Variants in ATIC observed in about 807,000 individuals in gnomAD.
ATIC encodes the protein 5-aminoimidazole-4-carboxamide ribonucleotide formyltransferase/IMP cyclohydrolase, also known as bifunctional purine biosynthesis protein ATIC.
A neutral mutation model predicts 72.5 loss-of-function variants in ATIC; 64 were observed. That is an observed-to-expected ratio of 0.88 (90% confidence interval 0.72 to 1.09). ATIC has a LOEUF of 1.09. ATIC is among the 50% of genes least tolerant of loss of function. The probability of loss-of-function intolerance (pLI) is 0.00; values close to 1 mark genes in which losing one functional copy is unlikely to be tolerated. For synonymous variants in ATIC, 281 were observed against 267.1 expected, an observed-to-expected ratio of 1.05 and a Z score of -0.51; for missense variants, 787 against 732.4, an observed-to-expected ratio of 1.07 and a Z score of -0.86.
At chr2:215,349,506 G>T in intron 15 of ATIC, 30 bp from the exon 16 acceptor site, 1 of 1,613,936 alleles carries the variant, frequency 6.2e-7, no homozygotes, top group South Asian at 1.1e-5. Context: ...ACATAAAATC[G>T]CGTTTTGAAA....
chr2:215,312,419 TC>T (rs2052663398), intron 1 of ATIC, 78 bp from the exon 2 acceptor site: 13 of 1,609,764 alleles, frequency 8.1e-6, no homozygotes, highest in South Asian at 6.6e-5. Flanking sequence ...GAGAATCTCC[TC>T]CCCCAGACCC....
At chr2:215,364,666 T>C in the ATIC span, 1 of 598,818 alleles carries the variant, frequency 1.7e-6, no homozygotes, top group Admixed American at 2.8e-5. Context: ...TCATTCATTC[T>C]TTCTACTAAG....
chr2:215,364,632 T>C, the ATIC span: 1 of 565,468 alleles, frequency 1.8e-6, no homozygotes, highest in Non-Finnish European at 3.2e-6. Context: ...TCAAGACTTG[T>C]GTTTTTGGTA....
chr2:215,327,759 G>T (rs971729535), intron 7 of ATIC, among the ~76,000 whole-genome samples: 1 of 152,170 alleles, frequency 6.6e-6, no homozygotes. Context: ...TGGTGAGGGG[G>T]TGCAGCCTGG....
Position 215,346,872 on chromosome 2 carries a change from T to C in ATIC, c.1434T>C (p.Phe478=). ...ATCCACAAGTGCTTTCGATGAAGTTTAAAACAGGAGTGAAGAGAGCAGAAA... is the reference window on the plus strand; with the variant it reads ...ATCCACAAGTGCTTTCGATGAAGTTCAAAACAGGAGTGAAGAGAGCAGAAA... ...RHHPQVLSMK[F]KTGVKRAEIS... is the part of the protein sequence containing the mutation. The change falls in exon 14 of 16, where the codon TTT becomes TTC. Residue 478 remains phenylalanine (F), a synonymous_variant. Coordinates refer to ENST00000236959, the MANE Select transcript of ATIC (RefSeq NM_004044.7). The C allele has an allele frequency of 1.9e-6, 3 of 1,614,216 alleles. No individual in the cohort carries two copies. The highest frequency in any genetic ancestry group is 2.5e-6 in the Non-Finnish European group (3 of 1,180,044).
chr2:215,348,788 C>CT (rs982239963), intron 14 of ATIC: 3 of 312,380 alleles, frequency 9.6e-6, no homozygotes, highest in Non-Finnish European at 1.8e-5. Flanking sequence ...TGGTGAAACT[C>CT]TGTCTCCAAA....
chr2:215,312,681 T>A (rs1284565089), intron 2 of ATIC, 57 bp downstream of exon 2: 12 of 1,613,056 alleles, frequency 7.4e-6, no homozygotes, highest in Non-Finnish European at 1.0e-5. Flanking sequence ...CAGGAAGTAT[T>A]GTATTCCAGG....
At chr2:215,366,222 GAATAGTCAAATGA>G in the ATIC span, among the ~76,000 whole-genome samples, 1 of 152,068 alleles carries the variant, frequency 6.6e-6, no homozygotes, top group Non-Finnish European at 1.5e-5. Flanking sequence ...CATGTCATCA[GAATAGTCAAATGA>G]AATGACTTTC....
rs368820754 is a variant in ATIC at position 215,312,187 on chromosome 2, T to A, written c.19+26T>A. On this transcript the variant is annotated intron_variant, in intron 1 of 15. Transcript: ENST00000236959. ...GTGAGGCCCTAGCGGAGCGGCGCGG[T>A]CTGCGTCCTCGCCTGCGGCCCCCCA... is the stretch of plus-strand genomic sequence containing the variant. The A allele has an allele frequency of 2.1e-5, 31 of 1,497,162 alleles. No individual in the cohort carries two copies. The South Asian group carries it at 2.4e-4, about 12-fold the overall frequency. 92.7% of individuals were successfully genotyped at this position (1,497,162 alleles called of 1,614,324 possible).
At chr2:215,365,060 A>C in the ATIC span, 1 of 932,572 alleles carries the variant, frequency 1.1e-6, no homozygotes, top group African/African-American at 1.6e-5. Flanking sequence ...GGTGGGTTCT[A>C]TTTCTGTCCT....
Position 215,344,847 on chromosome 2 carries a change from T to C in ATIC, c.1296T>C (p.Ser432=), listed in dbSNP as rs2053056209. 6.2e-7 allele frequency: 1 copy of C among 1,613,926 alleles called. No individual in the cohort carries two copies. Among genetic ancestry groups the C allele is most frequent in the African/African-American group, 1.3e-5 (1 of 74,902 alleles). The change falls in exon 13 of 16, where the codon TCT becomes TCC. Residue 432 remains serine (S), a synonymous_variant. Coordinates refer to ENST00000236959, the MANE Select transcript of ATIC (RefSeq NM_004044.7). ...TIAVKYTQSN[S]VCYAKNGQVI... is the part of the protein sequence containing the mutation. ...CTGTCAAGTACACTCAGTCTAACTC[T>C]GTGTGCTACGCCAAGAACGGGCAGG...
rs556235302 is a variant in ATIC, at chr2:215,315,825, T to C, written c.147-2332T>C. On this transcript the variant is annotated intron_variant, in intron 2 of 15. Transcript: ENST00000236959. The stretch of plus-strand genomic sequence containing the variant: ...AAAGAATCAGCCGGGTGTGGTGGCG[T>C]GCACCTGTAATCCCAGCTACTCAGG... Among the ~76,000 whole-genome samples, 7 of 151,170 alleles carry C rather than the reference T, an allele frequency of 4.6e-5. No homozygotes were observed. The East Asian group carries it at 1.4e-3, about 30-fold the overall frequency.
chr2:215,349,401 G>C (rs4672768), intron 15 of ATIC, 135 bp from the exon 16 acceptor site: 1 of 1,571,096 alleles, frequency 6.4e-7, no homozygotes, highest in East Asian at 2.3e-5. Context: ...GGTGGATGGA[G>C]AACCCAAATC....
chr2:215,322,790 G>A (rs2052783073), intron 4 of ATIC, among the ~76,000 whole-genome samples: 1 of 152,140 alleles, frequency 6.6e-6, no homozygotes, highest in African/African-American at 2.4e-5. Context: ...TGAAAAGACT[G>A]TTCTTTGCCC....
Position 215,335,006 on chromosome 2 carries a change from T to G in ATIC, c.1008+2T>G. On this transcript the variant is annotated splice_donor_variant, in intron 10 of 15. Coordinates refer to ENST00000236959, the MANE Select transcript of ATIC (RefSeq NM_004044.7). LOFTEE classifies it high-confidence loss of function. ...ACTGCAAAAATTATTTCCAGAGAAG[T>G]TAGTGGACATTCATGTATCTTAATC... 1.2e-6 allele frequency: 2 copies of G among 1,606,726 alleles called. No individual in the cohort carries two copies. The highest frequency in any genetic ancestry group is 1.7e-6 in the Non-Finnish European group (2 of 1,173,640).
chr2:215,349,072 T>A (rs1171197629), intron 14 of ATIC, 22 bp from the exon 15 acceptor site: 4 of 1,613,914 alleles, frequency 2.5e-6, no homozygotes, highest in Non-Finnish European at 3.4e-6. Flanking sequence ...CCAAGCTTCT[T>A]CCTTTCTCTC....
the ATIC span, among the ~76,000 whole-genome samples, chr2:215,366,830 C>T: frequency 5.3e-5 from 8 of 152,176 alleles, 1 homozygote; most frequent in South Asian, 4.2e-4. Flanking sequence ...CAAACTTAAA[C>T]GTAGTTCGAT....
chr2:215,326,344 C>T (rs1484077499), intron 6 of ATIC, among the ~76,000 whole-genome samples: 2 of 152,142 alleles, frequency 1.3e-5, no homozygotes, highest in African/African-American at 4.8e-5. Context: ...GTGGCTCACG[C>T]CTGTAATCCT....
At chr2:215,333,102 C>A (rs902833053) in intron 8 of ATIC, among the ~76,000 whole-genome samples, 1 of 152,112 alleles carries the variant, frequency 6.6e-6, no homozygotes, top group Non-Finnish European at 1.5e-5. Context: ...TTCACCTACA[C>A]GCTGGGTACT....
Sources: gnomAD v4.1 joint callset for allele counts (sites outside exome capture counted in the v4.1 genomes callset) on GRCh38, gnomAD v4.1.1 for gene constraint, MANE v1.5 for transcripts, NCBI Gene and HGNC (gene_info 2026-07-23, HGNC 2026-07-21) for gene names.